Variants in GUCY1A1 observed in about 807,000 individuals in gnomAD.
GUCY1A1 encodes the protein guanylate cyclase soluble subunit alpha-1.
GUCY1A1 carries 48 observed loss-of-function variants against 64.5 expected under a neutral mutation model. The observed-to-expected ratio is 0.74, with a 90% CI of 0.59 to 0.95. The LOEUF (loss-of-function observed/expected upper bound fraction) is 0.95. GUCY1A1 is among the 40% of genes least tolerant of loss of function. The pLI is 0.00. For missense variants in GUCY1A1, 804 were observed against 825.3 expected (o/e 0.97, Z 0.32); for synonymous variants, 308 against 303.4 (o/e 1.02, Z -0.16).
chr4:155,707,923 G>C (rs756448312), intron 4 of GUCY1A1, among the ~76,000 whole-genome samples: 3 of 149,726 alleles, frequency 2.0e-5, no homozygotes, highest in Non-Finnish European at 1.5e-5. Context: ...CCTCTGCCCC[G>C]CCAGGTCCCG....
Position 155,713,147 on chromosome 4 carries a change from TC to T in GUCY1A1, c.1137del (p.Leu380CysfsTer11), listed in dbSNP as rs1252881401. On this transcript the variant is annotated frameshift_variant, in exon 7 of 10. Transcript: ENST00000506455. LOFTEE classifies it high-confidence loss of function. ...ATCTACATTGTTGAATCCAGTGCAA[TC>T]TTGTTTTTGGGGTCACCCTGTGTGG... ...QMIYIVESSA[I>X]LFLGSPCVDR... The T allele has an allele frequency of 1.2e-6, 2 of 1,613,676 alleles. No homozygotes were observed. The highest frequency in any genetic ancestry group is 8.5e-7 in the Non-Finnish European group (1 of 1,179,606).
At chr4:155,718,720 A>G (rs1006127609) in intron 8 of GUCY1A1, among the ~76,000 whole-genome samples, 1 of 152,132 alleles carries the variant, frequency 6.6e-6, no homozygotes, top group Non-Finnish European at 1.5e-5. Flanking sequence ...GAGGTGGTTC[A>G]TGTCCCACTG....
At chr4:155,689,806 C>G (rs984357226) in intron 2 of GUCY1A1, among the ~76,000 whole-genome samples, 3 of 152,154 alleles carry the variant, frequency 2.0e-5, no homozygotes, top group Non-Finnish European at 4.4e-5. Flanking sequence ...GGCAGGGGCA[C>G]TCCAATATGA....
At chr4:155,679,125 C>A (rs772015845) in intron 2 of GUCY1A1, among the ~76,000 whole-genome samples, 2 of 151,318 alleles carry the variant, frequency 1.3e-5, no homozygotes, top group Non-Finnish European at 2.9e-5. Context: ...TTTTGAAGAG[C>A]CAAAGTATTT....
At chr4:155,693,982 T>C (rs900793773) in intron 2 of GUCY1A1, among the ~76,000 whole-genome samples, 4 of 152,188 alleles carry the variant, frequency 2.6e-5, no homozygotes, top group African/African-American at 9.7e-5. Context: ...TTCTAATATA[T>C]ACCAGAATAA....
At chr4:155,695,925 A>G (rs1256279988) in intron 2 of GUCY1A1, among the ~76,000 whole-genome samples, 2 of 152,218 alleles carry the variant, frequency 1.3e-5, no homozygotes, top group Non-Finnish European at 2.9e-5. Flanking sequence ...CAAATAGCTA[A>G]TGATAAATGG....
rs141091129 is a variant in GUCY1A1 at position 155,710,716 on chromosome 4, G to A, written c.551G>A (p.Arg184Lys). The change falls in exon 6 of 10, where the codon AGG becomes AAG. Residue 184 changes from arginine (R) to lysine (K), a missense_variant. By Grantham distance (26) the Arg-to-Lys change is conservative. Coordinates refer to ENST00000506455, the MANE Select transcript of GUCY1A1 (RefSeq NM_001130682.3). The part of the protein sequence containing the change: ...SHCQEAGKRG[R>K]LEDASILCLD... The stretch of plus-strand genomic sequence containing the variant: ...TGCCAAGAAGCAGGAAAAAGGGGCA[G>A]GCTTGAGGACGCCTCCATTCTATGC... 3.4e-5 allele frequency: 55 copies of A among 1,614,000 alleles called. No homozygotes were observed. The highest frequency in any genetic ancestry group is 3.9e-5 in the Non-Finnish European group (46 of 1,180,014).
At chr4:155,729,959 A>G (rs575626111) in intron 9 of GUCY1A1, 71 bp from the exon 10 acceptor site, 434 of 894,890 alleles carry the variant, frequency 4.8e-4, no homozygotes, top group Non-Finnish European at 7.1e-4. Context: ...AGTAACATTC[A>G]GTTAGTTATG....
rs181296755 is a variant in GUCY1A1 at position 155,687,378 on chromosome 4, T to A, written c.-112-9378T>A. Among the ~76,000 whole-genome samples the A allele has an allele frequency of 3.9e-4, 60 of 152,264 alleles. No individual in the cohort carries two copies. In the East Asian group the frequency reaches 9.3e-3, roughly 24 times the overall value. On this transcript the variant is annotated intron_variant, in intron 2 of 9. Coordinates refer to ENST00000506455, the MANE Select transcript of GUCY1A1 (RefSeq NM_001130682.3). Reference sequence around the variant, plus strand: ...CCAAGACTGGACTTTTATCTTTTTTTAAAAAAATTATGGACCTATGGATGC... The same window carrying A: ...CCAAGACTGGACTTTTATCTTTTTTAAAAAAAATTATGGACCTATGGATGC...
intron 2 of GUCY1A1, among the ~76,000 whole-genome samples, chr4:155,673,244 G>A (rs1734401907): frequency 6.6e-6 from 1 of 151,422 alleles, no homozygotes; most frequent in East Asian, 1.9e-4. Context: ...TCTCAATAAA[G>A]TTTATTATGG....
intron 4 of GUCY1A1, among the ~76,000 whole-genome samples, chr4:155,706,163 C>T (rs1731729152): frequency 6.6e-6 from 1 of 152,120 alleles, no homozygotes; most frequent in Admixed American, 6.5e-5. Context: ...TTTTTGTTTA[C>T]CACTTCCCTG....
At position 155,733,007 on chromosome 4, in the gene GUCY1A1, C is replaced by T. The variant is rs1735711365; in HGVS notation, c.*2776C>T. Among the ~76,000 whole-genome samples, 2 of 151,726 alleles carry T rather than the reference C, an allele frequency of 1.3e-5. No individual in the cohort carries two copies. Among genetic ancestry groups the T allele is most frequent in the African/African-American group, 4.8e-5 (2 of 41,362 alleles). On this transcript the variant is annotated 3_prime_UTR_variant, in exon 10 of 10. Coordinates refer to ENST00000506455, the MANE Select transcript of GUCY1A1 (RefSeq NM_001130682.3). The stretch of plus-strand genomic sequence containing the variant: ...AATTAAAATGTTTCTTTCCATTTTG[C>T]TTTGTTTTTCTATATCGATCTAGAC...
chr4:155,676,727 G>A (rs28555339), intron 2 of GUCY1A1, among the ~76,000 whole-genome samples: 1 of 151,382 alleles, frequency 6.6e-6, no homozygotes, highest in African/African-American at 2.5e-5. Flanking sequence ...CTTTATTCTT[G>A]ATCATTCTCT....
At chr4:155,684,027 A>C (rs1416235213) in intron 2 of GUCY1A1, among the ~76,000 whole-genome samples, 1 of 152,126 alleles carries the variant, frequency 6.6e-6, no homozygotes, top group Non-Finnish European at 1.5e-5. Flanking sequence ...CTGCAAATGG[A>C]AGGGACTGCA....
chr4:155,700,523 G>A (rs1180215078), intron 3 of GUCY1A1, among the ~76,000 whole-genome samples: 1 of 152,144 alleles, frequency 6.6e-6, no homozygotes, highest in African/African-American at 2.4e-5. Context: ...TCAAATAGCA[G>A]TTTTTCCTGA....
At chr4:155,706,901 C>A (rs1731853647) in intron 4 of GUCY1A1, among the ~76,000 whole-genome samples, 1 of 152,018 alleles carries the variant, frequency 6.6e-6, no homozygotes, top group Non-Finnish European at 1.5e-5. Context: ...GTTAAAACTG[C>A]AAAAAAATCT....
chr4:155,673,301 C>T (rs1734410883), intron 2 of GUCY1A1, among the ~76,000 whole-genome samples: 1 of 151,530 alleles, frequency 6.6e-6, no homozygotes, highest in Non-Finnish European at 1.5e-5. Flanking sequence ...TTATGACACA[C>T]ACTCCTTGAC....
At chr4:155,681,419 C>A (rs1735753282) in intron 2 of GUCY1A1, among the ~76,000 whole-genome samples, 1 of 152,198 alleles carries the variant, frequency 6.6e-6, no homozygotes, top group African/African-American at 2.4e-5. Context: ...TCCCAATCCA[C>A]AGATCTTAAT....
At chr4:155,699,299 A>C (rs1579057918) in intron 3 of GUCY1A1, among the ~76,000 whole-genome samples, 1 of 152,228 alleles carries the variant, frequency 6.6e-6, no homozygotes, top group East Asian at 1.9e-4. Flanking sequence ...TTTCCTGCTG[A>C]GGGAGAAGTT....
Sources: gnomAD v4.1 joint callset for allele counts (sites outside exome capture counted in the v4.1 genomes callset) on GRCh38, gnomAD v4.1.1 for gene constraint, MANE v1.5 for transcripts, NCBI Gene and HGNC (gene_info 2026-07-23, HGNC 2026-07-21) for gene names.